Variants in EYS observed in about 807,000 individuals in gnomAD.
EYS encodes protein eyes shut homolog.
Under a neutral mutation model 282.1 loss-of-function variants are expected in EYS, and 250 were observed. The observed-to-expected ratio is 0.89, with a 90% CI of 0.80 to 0.98. EYS has a LOEUF of 0.98. Ranked by LOEUF, EYS falls within the 50% of genes least tolerant of loss-of-function variation. The pLI, the probability that EYS is intolerant of heterozygous loss-of-function variation, is 0.00. For synonymous variants in EYS, 1,355 were observed against 1,282.9 expected (o/e 1.06, Z -1.20); for missense variants, 4,016 against 3,709.0 (o/e 1.08, Z -2.15).
intron 30 of EYS, among the ~76,000 whole-genome samples, chr6:64,287,880 A>C (rs1768555362): frequency 6.6e-6 from 1 of 152,182 alleles, no homozygotes; most frequent in South Asian, 2.1e-4. Context: ...AAGCCTGAGA[A>C]GCTCAGCCTT....
intron 33 of EYS, among the ~76,000 whole-genome samples, chr6:64,002,753 G>T (rs1562143996): frequency 1.3e-5 from 2 of 152,158 alleles, no homozygotes; most frequent in African/African-American, 2.4e-5. Context: ...GCCCAGGCGG[G>T]TCTTGAACTC....
At chr6:65,555,983 A>C (rs548315634) in intron 2 of EYS, among the ~76,000 whole-genome samples, 1 of 152,238 alleles carries the variant, frequency 6.6e-6, no homozygotes, top group Non-Finnish European at 1.5e-5. Context: ...TAGAAATTTT[A>C]AAATTGCATA....
chr6:65,234,910 A>T (rs371652783), intron 12 of EYS, among the ~76,000 whole-genome samples: 19 of 152,194 alleles, frequency 1.2e-4, no homozygotes, highest in African/African-American at 4.6e-4. Context: ...TTGGGAGTAG[A>T]TTGGGTAAAA....
chr6:64,387,296 G>A (rs1183410983), intron 29 of EYS, among the ~76,000 whole-genome samples: 1 of 152,158 alleles, frequency 6.6e-6, no homozygotes, highest in Non-Finnish European at 1.5e-5. Flanking sequence ...GAGGTCAGAA[G>A]ACATCTTTTT....
intron 22 of EYS, among the ~76,000 whole-genome samples, chr6:64,636,637 A>C (rs1430684060): frequency 6.6e-6 from 1 of 152,154 alleles, no homozygotes; most frequent in East Asian, 1.9e-4. Flanking sequence ...AGAAACTACC[A>C]TCAGAGTGAA....
chr6:64,695,026 C>T lies in EYS; in HGVS notation c.3444-68781G>A, dbSNP rs577139571. On this transcript the variant is annotated intron_variant, in intron 22 of 42. Coordinates refer to ENST00000503581, the MANE Select transcript of EYS (RefSeq NM_001142800.2). ...TCCCCATGCTGCATCTTTGGTTCATCAGTAGTTGCTGTGCTCTTCTATGGA... is the reference window on the plus strand; with the variant it reads ...TCCCCATGCTGCATCTTTGGTTCATTAGTAGTTGCTGTGCTCTTCTATGGA... Among the ~76,000 whole-genome samples the T allele has an allele frequency of 1.5e-3, 227 of 152,152 alleles. 2 individuals are homozygous for T. The highest frequency in any genetic ancestry group is 0.012 in the Admixed American group (176 of 15,276).
At chr6:64,056,628 TGCTATTAC>T (rs1256478992) in intron 33 of EYS, among the ~76,000 whole-genome samples, 1 of 152,182 alleles carries the variant, frequency 6.6e-6, no homozygotes, top group Non-Finnish European at 1.5e-5. Flanking sequence ...TGAGTGACAC[TGCTATTAC>T]CACGCAAACA....
At chr6:64,054,469 T>C (rs1770916138) in intron 33 of EYS, among the ~76,000 whole-genome samples, 1 of 152,066 alleles carries the variant, frequency 6.6e-6, no homozygotes, top group Non-Finnish European at 1.5e-5. Context: ...ACTTGGGTAT[T>C]AGAGGAGGAT....
At chr6:64,129,974 G>A (rs902530545) in intron 31 of EYS, among the ~76,000 whole-genome samples, 2 of 152,096 alleles carry the variant, frequency 1.3e-5, no homozygotes, top group African/African-American at 4.8e-5. Flanking sequence ...GCTCTGTTCT[G>A]TTCCATTGGT....
intron 30 of EYS, among the ~76,000 whole-genome samples, chr6:64,301,333 C>A (rs1010934576): frequency 1.6e-4 from 25 of 152,158 alleles, no homozygotes; most frequent in Non-Finnish European, 3.2e-4. Flanking sequence ...GTATTTAACT[C>A]CTGTGGCAAA....
intron 26 of EYS, among the ~76,000 whole-genome samples, chr6:64,455,770 C>A (rs1453611037): frequency 6.7e-6 from 1 of 148,192 alleles, no homozygotes; most frequent in African/African-American, 2.5e-5. Flanking sequence ...CATTTCCCTG[C>A]AAAGGACATG....
rs372677633 is a variant in EYS at position 64,890,100 on chromosome 6, T to C, written c.2847-3258A>G. On this transcript the variant is annotated intron_variant, in intron 18 of 42. Coordinates refer to ENST00000503581, the MANE Select transcript of EYS (RefSeq NM_001142800.2). ...TATGGTTGAGACTGCAGGGGTAAAA[T>C]AGACCCCAGTCTCCCATAGCGCTCC... Among the ~76,000 whole-genome samples the C allele has an allele frequency of 2.2e-3, 319 of 146,352 alleles. 3 individuals carry two copies. The highest frequency in any genetic ancestry group is 0.014 in the South Asian group (66 of 4,712).
chr6:63,908,033 CGTTTGTGT>C (rs1554186611), intron 35 of EYS, among the ~76,000 whole-genome samples: 6 of 110,480 alleles, frequency 5.4e-5, no homozygotes, highest in Non-Finnish European at 7.6e-5. Flanking sequence ...TATATATATA[CGTTTGTGT>C]GTGTGTGTGT....
At chr6:65,019,811 GATTA>G (rs1772189879) in intron 13 of EYS, among the ~76,000 whole-genome samples, 1 of 152,140 alleles carries the variant, frequency 6.6e-6, no homozygotes, top group Non-Finnish European at 1.5e-5. Flanking sequence ...AAGGAAAGAG[GATTA>G]ATTGATTCAC....
At chr6:63,963,847 T>C (rs1217854360) in intron 35 of EYS, among the ~76,000 whole-genome samples, 2 of 152,198 alleles carry the variant, frequency 1.3e-5, no homozygotes, top group Admixed American at 6.5e-5. Flanking sequence ...ATTTCTCACA[T>C]TGAGCACCTA....
At chr6:63,742,158 C>G (rs1332032808) in intron 41 of EYS, among the ~76,000 whole-genome samples, 1 of 152,172 alleles carries the variant, frequency 6.6e-6, no homozygotes, top group Admixed American at 6.5e-5. Flanking sequence ...ATTTATGAAT[C>G]CAAATCAGCT....
intron 31 of EYS, among the ~76,000 whole-genome samples, chr6:64,133,789 G>A (rs73762735): frequency 0.063 from 9,532 of 151,662 alleles, 867 homozygotes; most frequent in African/African-American, 0.2. Context: ...GCTCTTATAA[G>A]AGGACTTGCC....
chr6:65,504,181 C>A (rs559540911), intron 2 of EYS, among the ~76,000 whole-genome samples: 6 of 151,004 alleles, frequency 4.0e-5, no homozygotes, highest in Non-Finnish European at 7.4e-5. Flanking sequence ...TAGGTATATA[C>A]CCAATTATTT....
In EYS at chr6:63,980,827, G is replaced by A. The variant is rs368805941; in HGVS notation, c.7055+3556C>T. Among the ~76,000 whole-genome samples the A allele has an allele frequency of 1.2e-4, 19 of 152,010 alleles. No homozygotes were observed. The East Asian group carries it at 2.3e-3, about 19-fold the overall frequency. ...AGCCAAAGGATGAGAAGGACTGGAA[G>A]AGAGTAGAAGATTTTGGAGAAATCC... On this transcript the variant is annotated intron_variant, in intron 35 of 42. Transcript: ENST00000503581.
Sources: gnomAD v4.1 joint callset for allele counts (sites outside exome capture counted in the v4.1 genomes callset) on GRCh38, gnomAD v4.1.1 for gene constraint, MANE v1.5 for transcripts, NCBI Gene and HGNC (gene_info 2026-07-23, HGNC 2026-07-21) for gene names.